The following LINC00305 variants were observed in gnomAD, a reference collection of about 807,000 sequenced individuals.
The protein encoded by LINC00305 is long independently transcribed non-coding RNA 305.
chr18:64,147,685 C>T (rs1006154067), intron 1 of LINC00305, among the ~76,000 whole-genome samples: 15 of 152,088 alleles, frequency 9.9e-5, no homozygotes, highest in Admixed American at 7.2e-4. Flanking sequence ...TAGTTGTTCT[C>T]GCCCTTTCTC....
chr18:64,098,004 A>G (rs1015338617), intron 2 of LINC00305: 6 of 457,692 alleles, frequency 1.3e-5, no homozygotes, highest in Non-Finnish European at 2.6e-5. Flanking sequence ...TACTGAGATA[A>G]GGGACAGGAG....
rs74357404 is a variant in LINC00305 at position 64,085,380 on chromosome 18, T to C, written n.541-4978A>G. On this transcript the variant is annotated intron_variant and non_coding_transcript_variant, in intron 3 of 3. Transcript: ENST00000666468. The stretch of plus-strand genomic sequence containing the variant: ...TGCTAAAATGTTTCCATGGATTTGT[T>C]AATGTCCCACTTCCCTTTGGATCTC... Among the ~76,000 whole-genome samples the C allele has an allele frequency of 6.6e-5, 10 of 152,348 alleles. No homozygotes were observed. In the East Asian group the frequency reaches 1.9e-3, roughly 29 times the overall value.
intron 3 of LINC00305, among the ~76,000 whole-genome samples, chr18:64,087,860 G>A (rs1007147696): frequency 3.3e-5 from 5 of 152,170 alleles, no homozygotes; most frequent in Admixed American, 2.0e-4. Flanking sequence ...GGGAGGCCGA[G>A]GCGGATGGAT....
chr18:64,143,618 A>G (rs1645430574), intron 1 of LINC00305, among the ~76,000 whole-genome samples: 1 of 125,870 alleles, frequency 7.9e-6, no homozygotes, highest in South Asian at 2.5e-4. Context: ...ACATATGTAC[A>G]CATATGTATG....
intron 1 of LINC00305, among the ~76,000 whole-genome samples, chr18:64,116,231 T>C (rs1052071106): frequency 3.3e-5 from 5 of 152,222 alleles, no homozygotes; most frequent in Non-Finnish European, 5.9e-5. Flanking sequence ...GGTCTCAGGA[T>C]GAATCAGTTT....
rs58031165 is a variant in LINC00305 at position 64,113,197 on chromosome 18, C to T, written n.315-14557G>A. Among the ~76,000 whole-genome samples, 143 of 152,292 alleles carry T rather than the reference C, an allele frequency of 9.4e-4. 1 individual carries two copies. The highest frequency in any genetic ancestry group is 3.3e-3 in the African/African-American group (138 of 41,568). On this transcript the variant is annotated intron_variant and non_coding_transcript_variant, in intron 1 of 3. Coordinates refer to ENST00000666468, the Ensembl canonical transcript of LINC00305. ...CAAGCGTGGGCTACAGTCAGAGGGA[C>T]GAGGGAACTACATTTCACTCTGCCA... is the stretch of plus-strand genomic sequence containing the variant.
intron 1 of LINC00305, among the ~76,000 whole-genome samples, chr18:64,100,814 G>A (rs1281084181): frequency 1.3e-5 from 2 of 152,144 alleles, no homozygotes; most frequent in South Asian, 2.1e-4. Flanking sequence ...CAGATTCAGG[G>A]CTTTTTGAGA....
chr18:64,119,734 T>C (rs2051353416), intron 1 of LINC00305, among the ~76,000 whole-genome samples: 1 of 152,088 alleles, frequency 6.6e-6, no homozygotes, highest in African/African-American at 2.4e-5. Flanking sequence ...CCTCTTGCAG[T>C]GGTGAGATGG....
chr18:64,120,351 A>G (rs1174897910), intron 1 of LINC00305, among the ~76,000 whole-genome samples: 2 of 152,152 alleles, frequency 1.3e-5, no homozygotes, highest in Non-Finnish European at 2.9e-5. Flanking sequence ...TGAGTGACAC[A>G]GCACATATTT....
chr18:64,098,130 T>G, intron 2 of LINC00305: 1 of 363,378 alleles, frequency 2.8e-6, no homozygotes, highest in Non-Finnish European at 5.5e-6. Context: ...TTAAAGATAA[T>G]ACTAGAAATA....
intron 1 of LINC00305, among the ~76,000 whole-genome samples, chr18:64,140,388 T>C (rs371108395): frequency 2.0e-5 from 3 of 152,114 alleles, no homozygotes; most frequent in Non-Finnish European, 4.4e-5. Context: ...TTTGTGTTTT[T>C]AGTTGAGACA....
intron 1 of LINC00305, among the ~76,000 whole-genome samples, chr18:64,138,268 A>G (rs953471784): frequency 2.0e-5 from 3 of 152,166 alleles, no homozygotes; most frequent in African/African-American, 7.2e-5. Context: ...TTCCCCACCA[A>G]AAAGGAAAAA....
intron 3 of LINC00305, among the ~76,000 whole-genome samples, chr18:64,085,467 T>TA (rs2144891711): frequency 9.5e-6 from 1 of 105,158 alleles, no homozygotes; most frequent in East Asian, 2.0e-4. Context: ...TATTTGTCAC[T>TA]TTTTTTTTTT....
chr18:64,148,407 A>AT (rs11338483), intron 1 of LINC00305, among the ~76,000 whole-genome samples: 3 of 150,078 alleles, frequency 2.0e-5, no homozygotes, highest in African/African-American at 7.4e-5. Flanking sequence ...AGAAAAATGC[A>AT]TTTTTTTTTT....
In LINC00305 at chr18:64,104,926, G is replaced by A. The variant is rs889744254; in HGVS notation, n.315-6286C>T. On this transcript the variant is annotated intron_variant and non_coding_transcript_variant, in intron 1 of 3. Coordinates refer to ENST00000666468, the Ensembl canonical transcript of LINC00305. ...CCTGTGGAATTGTTCTATTCTCGGT[G>A]GTGGGGGCTGGAGGGTGTAACACCC... is the stretch of plus-strand genomic sequence containing the variant. Among the ~76,000 whole-genome samples, 29 of 152,038 alleles carry A rather than the reference G, an allele frequency of 1.9e-4. 1 individual carries two copies. Among genetic ancestry groups the A allele is most frequent in the African/African-American group, 6.8e-4 (28 of 41,466 alleles).
At chr18:64,083,173 C>T (rs1367935512) in intron 3 of LINC00305, among the ~76,000 whole-genome samples, 1 of 151,848 alleles carries the variant, frequency 6.6e-6, no homozygotes, top group East Asian at 1.9e-4. Context: ...TAAAAATGAC[C>T]TTTAGAATGT....
At chr18:64,123,209 A>G (rs2051369663) in intron 1 of LINC00305, among the ~76,000 whole-genome samples, 1 of 152,010 alleles carries the variant, frequency 6.6e-6, no homozygotes, top group South Asian at 2.1e-4. Flanking sequence ...GATTTTTAGT[A>G]CTATGTTGAA....
At chr18:64,140,839 G>A (rs2051458808) in intron 1 of LINC00305, among the ~76,000 whole-genome samples, 1 of 152,008 alleles carries the variant, frequency 6.6e-6, no homozygotes, top group African/African-American at 2.4e-5. Flanking sequence ...AATAGAAAAG[G>A]GAGGTAGGAG....
At chr18:64,098,484 T>C in intron 2 of LINC00305, 1 of 416,488 alleles carries the variant, frequency 2.4e-6, no homozygotes, top group South Asian at 1.8e-5. Context: ...AACATTCTAA[T>C]TTGGGAAACA....
Sources: allele counts gnomAD v4.1 joint callset (sites outside exome capture counted in the v4.1 genomes callset), GRCh38; gene constraint gnomAD v4.1.1; transcripts MANE v1.5; gene names NCBI Gene and HGNC (gene_info 2026-07-23, HGNC 2026-07-21).